INTS13: variants seen among roughly 807,000 people sequenced by gnomAD.
INTS13 encodes asunder, spermatogenesis regulator homolog (Drosphila).
A neutral mutation model predicts 90.2 loss-of-function variants in INTS13; 35 were observed. The ratio of observed to expected loss-of-function variants is 0.39; its 90% confidence interval spans 0.30 to 0.51. The LOEUF (loss-of-function observed/expected upper bound fraction) is 0.51. Ranked by LOEUF, INTS13 falls within the 20% of genes least tolerant of loss-of-function variation. The probability of loss-of-function intolerance (pLI) is 0.80; values close to 1 mark genes in which losing one functional copy is unlikely to be tolerated. For missense variants in INTS13, 601 were observed against 851.2 expected (o/e 0.71, Z 3.66); for synonymous variants, 309 against 277.1 (o/e 1.11, Z -1.14).
At chr12:26,932,952 C>T (rs1351441953) in intron 3 of INTS13, among the ~76,000 whole-genome samples, 2 of 152,108 alleles carry the variant, frequency 1.3e-5, no homozygotes, top group African/African-American at 4.8e-5. Flanking sequence ...TATCAGCAGG[C>T]ATTTAAGAAA....
intron 7 of INTS13, among the ~76,000 whole-genome samples, chr12:26,923,173 T>C (rs934792581): frequency 6.6e-6 from 1 of 152,110 alleles, no homozygotes; most frequent in Non-Finnish European, 1.5e-5. Flanking sequence ...TTTTCAGTAA[T>C]AGGAAATAGG....
intron 11 of INTS13, among the ~76,000 whole-genome samples, chr12:26,915,488 C>G (rs531693813): frequency 6.6e-6 from 1 of 152,092 alleles, no homozygotes; most frequent in East Asian, 1.9e-4. Context: ...ATATATAAAT[C>G]ACACTTAGTT....
chr12:26,908,839 G>A (rs1323594468), intron 15 of INTS13, among the ~76,000 whole-genome samples: 1 of 152,186 alleles, frequency 6.6e-6, no homozygotes, highest in Non-Finnish European at 1.5e-5. Context: ...GCAGTAATAT[G>A]CAATCAAGTT....
chr12:26,937,895 G>C lies in INTS13; in HGVS notation c.-111C>G, dbSNP rs1487069878. ...GGCGGGGAGAGTCAGCGCACAGTCG[G>C]GAGTGTCTGGTGCCACAGACAGGGG... On this transcript the variant is annotated 5_prime_UTR_variant, in exon 1 of 17. Coordinates refer to ENST00000261191, the MANE Select transcript of INTS13 (RefSeq NM_018164.3). The C allele has an allele frequency of 6.5e-6, 1 of 152,796 alleles. No homozygotes were observed. Among genetic ancestry groups the C allele is most frequent in the African/African-American group, 2.4e-5 (1 of 41,434 alleles). The allele number at this position is 152,796 out of a possible 1,614,324, so 9.5% of individuals were successfully genotyped here.
chr12:26,905,558 G>A lies in INTS13; in HGVS notation c.2082-22C>T, dbSNP rs190669786. On this transcript the variant is annotated intron_variant, in intron 16 of 16. Coordinates refer to ENST00000261191, the MANE Select transcript of INTS13 (RefSeq NM_018164.3). ...CATCCTGAAATAGGAAGAAAAAAAC[G>A]AGTTGATAAAATAAATATTCATTAA... The A allele has an allele frequency of 1.1e-4, 177 of 1,603,850 alleles. 1 individual carries two copies. In the African/African-American group the frequency reaches 2.0e-3, roughly 18 times the overall value.
At chr12:26,917,534 G>A (rs1266075825) in intron 9 of INTS13, 93 bp from the exon 10 acceptor site, 11 of 1,225,514 alleles carry the variant, frequency 9.0e-6, no homozygotes, top group Non-Finnish European at 1.3e-5. Context: ...TGAGTTCATT[G>A]AGTCCTGAAA....
intron 15 of INTS13, among the ~76,000 whole-genome samples, chr12:26,909,187 C>T (rs778110958): frequency 2.2e-4 from 33 of 152,142 alleles, no homozygotes; most frequent in Non-Finnish European, 4.1e-4. Flanking sequence ...ATGGTGAAAC[C>T]CTGTCTCTAC....
chr12:26,917,249 G>A (rs1308593299), intron 10 of INTS13, 103 bp downstream of exon 10: 2 of 319,706 alleles, frequency 6.3e-6, no homozygotes, highest in Non-Finnish European at 1.1e-5. Flanking sequence ...GCTTTCCAGA[G>A]TTCATATTCT....
intron 8 of INTS13, chr12:26,918,921 T>G (rs913939208): frequency 5.2e-6 from 1 of 191,984 alleles, no homozygotes; most frequent in Non-Finnish European, 1.2e-5. Flanking sequence ...AAAATCTCAG[T>G]GCTTTGTGAG....
Position 26,905,392 on chromosome 12 carries a change from C to T in INTS13, c.*105G>A. On this transcript the variant is annotated 3_prime_UTR_variant, in exon 17 of 17. Coordinates refer to ENST00000261191, the MANE Select transcript of INTS13 (RefSeq NM_018164.3). Reference sequence around the variant, plus strand: ...TGAAATATTTTAAAAATGTAAAAACCAGTCCAGGCAACATAACTATACCAT... The same window carrying T: ...TGAAATATTTTAAAAATGTAAAAACTAGTCCAGGCAACATAACTATACCAT... 1.0e-6 allele frequency: 1 copy of T among 983,178 alleles called. No homozygotes were observed. Among genetic ancestry groups the T allele is most frequent in the Non-Finnish European group, 1.5e-6 (1 of 663,486 alleles). 60.9% of individuals were successfully genotyped at this position (983,178 alleles called of 1,614,324 possible).
intron 9 of INTS13, 55 bp from the exon 10 acceptor site, chr12:26,917,496 T>TA: frequency 7.7e-7 from 1 of 1,294,268 alleles, no homozygotes; most frequent in Admixed American, 2.2e-5. Flanking sequence ...TTCCCACAAT[T>TA]AAAAGAAAGA....
chr12:26,924,374 ATAG>A lies in INTS13; in HGVS notation c.782_784del (p.Thr261del). On this transcript the variant is annotated inframe_deletion, in exon 7 of 17. Coordinates refer to ENST00000261191, the MANE Select transcript of INTS13 (RefSeq NM_018164.3). ...GCCTACCTTCATTGGAATATTTGTAATAGTAGTTGAAGCCAAGTCAAAATGTTG... is the reference window on the plus strand; with the variant it reads ...GCCTACCTTCATTGGAATATTTGTAATAGTTGAAGCCAAGTCAAAATGTTG... The A allele has an allele frequency of 6.2e-7, 1 of 1,612,532 alleles. No individual in the cohort carries two copies. The highest frequency in any genetic ancestry group is 8.5e-7 in the Non-Finnish European group (1 of 1,179,154).
chr12:26,927,828 C>A (rs1008847767), intron 5 of INTS13, among the ~76,000 whole-genome samples: 7 of 152,050 alleles, frequency 4.6e-5, no homozygotes, highest in African/African-American at 1.7e-4. Flanking sequence ...GTTGCCCAGG[C>A]TGGTCTTGAA....
rs753231244 is a variant in INTS13 at position 26,924,446 on chromosome 12, C to T, written c.713G>A (p.Arg238His). The T allele has an allele frequency of 1.2e-5, 20 of 1,612,254 alleles. No individual in the cohort carries two copies. Among genetic ancestry groups the T allele is most frequent in the East Asian group, 2.2e-5 (1 of 44,804 alleles). Reference protein sequence around the residue: ...PVLTSEVHSVRAGRHLATKLN... With the variant: ...PVLTSEVHSVHAGRHLATKLN... ...TTTGGTAGCAAGATGCCGTCCTGCA[C>T]GAACACTATGAACTTCACTGGTTAA... is the stretch of plus-strand genomic sequence containing the variant. Residue 238 changes from arginine (R) to histidine (H), a missense_variant, in exon 7 of 17, where the codon CGT becomes CAT. Transcript: ENST00000261191.
intron 4 of INTS13, 57 bp downstream of exon 4, chr12:26,928,646 C>T: frequency 6.4e-7 from 1 of 1,565,066 alleles, no homozygotes; most frequent in Non-Finnish European, 8.8e-7. Context: ...TTCTGAAAAA[C>T]TACAACAGGA....
intron 7 of INTS13, 36 bp from the exon 8 acceptor site, chr12:26,922,736 G>T: frequency 8.7e-6 from 12 of 1,384,842 alleles, no homozygotes; most frequent in South Asian, 4.3e-5. Flanking sequence ...AAAAAACTTG[G>T]TTTTGCTTTC....
intron 1 of INTS13, among the ~76,000 whole-genome samples, chr12:26,937,199 T>C (rs1274328359): frequency 6.6e-6 from 1 of 152,182 alleles, no homozygotes; most frequent in Non-Finnish European, 1.5e-5. Context: ...TAATTGACAT[T>C]AGTCACATAT....
In INTS13 at chr12:26,922,662, C is replaced by T; in HGVS notation, c.843G>A (p.Val281=). The T allele has an allele frequency of 6.3e-7, 1 of 1,586,700 alleles. No individual in the cohort carries two copies. Among genetic ancestry groups the T allele is most frequent in the Non-Finnish European group, 8.6e-7 (1 of 1,166,102 alleles). ...GTGCATCTTTGTGATGAAGTAGCTCCACATCATAATTGGCAGATGTGTTAG... is the reference window on the plus strand; with the variant it reads ...GTGCATCTTTGTGATGAAGTAGCTCTACATCATAATTGGCAGATGTGTTAG... ...QHANTSANYD[V]ELLHHKDAHV... The change falls in exon 8 of 17, where the codon GTG becomes GTA. Residue 281 remains valine, a synonymous_variant. Coordinates refer to ENST00000261191, the MANE Select transcript of INTS13 (RefSeq NM_018164.3).
chr12:26,909,748 A>AT (rs1951720577), intron 15 of INTS13, among the ~76,000 whole-genome samples: 1 of 152,262 alleles, frequency 6.6e-6, no homozygotes, highest in African/African-American at 2.4e-5. Flanking sequence ...GGCAAATATA[A>AT]TAAGATCACC....
Sources: allele counts gnomAD v4.1 joint callset (sites outside exome capture counted in the v4.1 genomes callset), GRCh38; gene constraint gnomAD v4.1.1; transcripts MANE v1.5; gene names NCBI Gene and HGNC (gene_info 2026-07-23, HGNC 2026-07-21).